Variants in SENP1 observed in about 807,000 individuals in gnomAD.
SENP1 encodes sentrin-specific protease 1.
In SENP1, 21 loss-of-function variants were observed where a neutral mutation model predicts 93.0. That is an observed-to-expected ratio of 0.23 (90% CI 0.16 to 0.33). The LOEUF is 0.33. Among genes scored for constraint, SENP1 ranks in the 10% least tolerant of loss-of-function variants. The probability of loss-of-function intolerance (pLI) is 1.00; values close to 1 mark genes in which losing one functional copy is unlikely to be tolerated. For synonymous variants in SENP1, 256 were observed against 259.6 expected, an observed-to-expected ratio of 0.99 and a Z score of 0.13; for missense variants, 591 against 758.7, an observed-to-expected ratio of 0.78 and a Z score of 2.60.
intron 4 of SENP1, among the ~76,000 whole-genome samples, chr12:48,092,738 CTG>C (rs1338199657): frequency 7.9e-5 from 12 of 152,158 alleles, no homozygotes; most frequent in African/African-American, 2.9e-4. Flanking sequence ...TAGTGTAAGA[CTG>C]TTGATATGGG....
At chr12:48,055,139 C>A in intron 13 of SENP1, 1 of 259,944 alleles carries the variant, frequency 3.8e-6, no homozygotes, top group Non-Finnish European at 7.3e-6. Context: ...TTGCGCTTGG[C>A]AGGGGAGCCA....
At position 48,043,590 on chromosome 12, in the gene SENP1, T is replaced by C. The variant is rs921179676; in HGVS notation, c.*1732A>G. 10 of 151,270 alleles carry C rather than the reference T, an allele frequency of 6.6e-5. No individual in the cohort carries two copies. The highest frequency in any genetic ancestry group is 5.9e-4 in the Admixed American group (9 of 15,142). The allele number at this position is 151,270 out of a possible 1,614,324, so 9.4% of individuals were successfully genotyped here. On this transcript the variant is annotated 3_prime_UTR_variant, in exon 18 of 18. Transcript: ENST00000549518. Reference sequence around the variant, plus strand: ...TATATAGAAAGCTATTTATTTCCTATAGAAAACTCAAAAACAAAGAAAAAG... The same window carrying C: ...TATATAGAAAGCTATTTATTTCCTACAGAAAACTCAAAAACAAAGAAAAAG...
chr12:48,058,621 G>T (rs899357818), intron 13 of SENP1, among the ~76,000 whole-genome samples: 1 of 151,940 alleles, frequency 6.6e-6, no homozygotes, highest in Non-Finnish European at 1.5e-5. Flanking sequence ...TGTCCATTTT[G>T]TCTCCTTCTT....
intron 6 of SENP1, among the ~76,000 whole-genome samples, chr12:48,075,216 AAAAACAAAACAAAAC>A (rs58188197): frequency 2.0e-5 from 3 of 150,334 alleles, no homozygotes; most frequent in African/African-American, 4.9e-5. Flanking sequence ...CTCTGTCTCA[AAAAACAAAACAAAAC>A]AAAACAAAAC....
chr12:48,099,605 A>G (rs1030091445), intron 2 of SENP1, among the ~76,000 whole-genome samples: 2 of 152,134 alleles, frequency 1.3e-5, no homozygotes, highest in African/African-American at 2.4e-5. Context: ...CACTTACTTG[A>G]GGCCAGGAGT....
At chr12:48,060,411 T>C (rs1942878933) in intron 13 of SENP1, among the ~76,000 whole-genome samples, 2 of 152,188 alleles carry the variant, frequency 1.3e-5, no homozygotes, top group South Asian at 4.1e-4. Flanking sequence ...CTCAGGATAA[T>C]ACACCTAGAA....
intron 5 of SENP1, among the ~76,000 whole-genome samples, chr12:48,088,213 T>C (rs1338689303): frequency 2.6e-5 from 4 of 152,084 alleles, no homozygotes; most frequent in African/African-American, 9.7e-5. Flanking sequence ...CCACCATGCC[T>C]GGCTAATTTT....
chr12:48,085,140 G>T (rs1565791757), intron 5 of SENP1: 1 of 1,416,098 alleles, frequency 7.1e-7, no homozygotes, highest in Non-Finnish European at 1.0e-6. Flanking sequence ...CAGCATAGGG[G>T]AGCTTAACAA....
chr12:48,072,101 G>A (rs969376087), intron 8 of SENP1, among the ~76,000 whole-genome samples: 7 of 152,164 alleles, frequency 4.6e-5, no homozygotes, highest in South Asian at 2.1e-4. Flanking sequence ...TTTCAGTTAC[G>A]CATAGTTAAC....
chr12:48,079,368 G>T (rs1592402858), intron 6 of SENP1, among the ~76,000 whole-genome samples: 1 of 151,924 alleles, frequency 6.6e-6, no homozygotes, highest in African/African-American at 2.4e-5. Flanking sequence ...GCACGGTGCT[G>T]CCCGCCTGTA....
At chr12:48,103,214 G>A (rs12228750) in intron 1 of SENP1, among the ~76,000 whole-genome samples, 107,807 of 152,078 alleles carry the variant, frequency 0.71, 39,153 homozygotes, top group East Asian at 0.99. Flanking sequence ...CATTTTGTTG[G>A]GATAGATGTG....
intron 5 of SENP1, among the ~76,000 whole-genome samples, chr12:48,087,836 A>C (rs145477801): frequency 2.0e-3 from 307 of 152,326 alleles, no homozygotes; most frequent in African/African-American, 6.3e-3. Flanking sequence ...AGTACACTAA[A>C]TAATCCCACA....
chr12:48,098,159 A>C (rs1336408066), intron 2 of SENP1, 35 bp from the exon 3 acceptor site: 1 of 1,583,276 alleles, frequency 6.3e-7, no homozygotes, highest in African/African-American at 1.3e-5. Context: ...CAAGTCACAT[A>C]ATTCTTCAAT....
At chr12:48,067,511 T>A (rs1943381854) in intron 9 of SENP1, among the ~76,000 whole-genome samples, 1 of 152,190 alleles carries the variant, frequency 6.6e-6, no homozygotes, top group Admixed American at 6.5e-5. Flanking sequence ...GCCACAGACA[T>A]GATTAATTGT....
At chr12:48,060,057 T>C (rs1942855576) in intron 13 of SENP1, among the ~76,000 whole-genome samples, 1 of 152,160 alleles carries the variant, frequency 6.6e-6, no homozygotes, top group Non-Finnish European at 1.5e-5. Flanking sequence ...GCACAGACTC[T>C]ACCAGTCCCT....
At position 48,071,602 on chromosome 12, in the gene SENP1, C is replaced by T. The variant is rs538404864; in HGVS notation, c.995+65G>A. The T allele has an allele frequency of 8.7e-5, 101 of 1,158,930 alleles. No homozygotes were observed. In the African/African-American group the frequency reaches 1.4e-3, roughly 16 times the overall value. The allele number at this position is 1,158,930 out of a possible 1,614,324, so 71.8% of individuals were successfully genotyped here. A position where few individuals can be genotyped will look rare whatever the true frequency, so the allele number is the denominator to read the frequency against. On this transcript the variant is annotated intron_variant, in intron 9 of 17. Transcript: ENST00000549518. ...CTACACTCCAGCCTGGGCAACAGAG[C>T]GAGACTCCGTCTCAAAAAGATATAT...
At chr12:48,054,092 G>A (rs965926398) in intron 13 of SENP1, among the ~76,000 whole-genome samples, 2 of 152,152 alleles carry the variant, frequency 1.3e-5, no homozygotes, top group South Asian at 2.1e-4. Context: ...GGGCATAGAG[G>A]GCTGAGTAGA....
chr12:48,080,628 C>T (rs1414873021), intron 6 of SENP1: 2 of 152,164 alleles, frequency 1.3e-5, no homozygotes, highest in Non-Finnish European at 2.9e-5. Context: ...AAGTTCCCAT[C>T]AGTAAATTTA....
At chr12:48,047,829 C>G (rs139699921) in intron 15 of SENP1, among the ~76,000 whole-genome samples, 172 bp downstream of exon 15, 2 of 152,240 alleles carry the variant, frequency 1.3e-5, no homozygotes, top group East Asian at 1.9e-4. Context: ...TTAGGGCATA[C>G]TTTGGTATTG....
Sources: allele counts gnomAD v4.1 joint callset (sites outside exome capture counted in the v4.1 genomes callset), GRCh38; gene constraint gnomAD v4.1.1; transcripts MANE v1.5; gene names NCBI Gene and HGNC (gene_info 2026-07-23, HGNC 2026-07-21).